Variants in KHDRBS2 observed in about 807,000 individuals in gnomAD.
The protein encoded by KHDRBS2 is KH domain-containing, RNA-binding, signal transduction-associated protein 2.
A neutral mutation model predicts 44.3 loss-of-function variants in KHDRBS2; 26 were observed. That is an observed-to-expected ratio of 0.59 (90% CI 0.43 to 0.81). KHDRBS2 has a LOEUF of 0.81. Ranked by LOEUF, KHDRBS2 falls within the 40% of genes least tolerant of loss-of-function variation. KHDRBS2 has a pLI of 0.00. For missense variants in KHDRBS2, 476 were observed against 433.1 expected (o/e 1.10, Z -0.88); for synonymous variants, 194 against 151.1 (o/e 1.28, Z -2.08).
the KHDRBS2 span, among the ~76,000 whole-genome samples, chr6:61,614,286 G>A: frequency 6.6e-6 from 1 of 152,122 alleles, no homozygotes; most frequent in Non-Finnish European, 1.5e-5. Flanking sequence ...GGTATCATGT[G>A]CATTCTGGTA....
At chr6:62,089,397 C>T (rs185630709) in intron 2 of KHDRBS2, among the ~76,000 whole-genome samples, 11 of 152,072 alleles carry the variant, frequency 7.2e-5, no homozygotes, top group Admixed American at 3.9e-4. Flanking sequence ...CTGTGGGTTG[C>T]GAAGACTCTG....
chr6:61,631,335 A>AAAAAAAAAAAG, the KHDRBS2 span, among the ~76,000 whole-genome samples: 40 of 104,666 alleles, frequency 3.8e-4, 3 homozygotes, highest in Non-Finnish European at 5.1e-4. Context: ...AAAAAAAAAA[A>AAAAAAAAAAAG]AAGACAATAC....
At chr6:61,776,243 T>G (rs1781974205) in intron 6 of KHDRBS2, among the ~76,000 whole-genome samples, 1 of 152,156 alleles carries the variant, frequency 6.6e-6, no homozygotes, top group African/African-American at 2.4e-5. Context: ...AAGGACTTCA[T>G]GTCTACAACA....
At chr6:62,234,734 TAGG>T (rs886321858) in intron 1 of KHDRBS2, among the ~76,000 whole-genome samples, 2 of 151,928 alleles carry the variant, frequency 1.3e-5, no homozygotes, top group African/African-American at 4.8e-5. Context: ...ATGGTGACCA[TAGG>T]AGTACTTGAA....
At chr6:61,556,464 C>A in the KHDRBS2 span, among the ~76,000 whole-genome samples, 1 of 152,152 alleles carries the variant, frequency 6.6e-6, no homozygotes, top group Non-Finnish European at 1.5e-5. Context: ...CAAATACATT[C>A]ATTGGCAAAG....
intron 6 of KHDRBS2, among the ~76,000 whole-genome samples, chr6:61,742,740 C>T (rs1478438506): frequency 6.6e-6 from 1 of 152,020 alleles, no homozygotes; most frequent in Non-Finnish European, 1.5e-5. Context: ...TAAAGGTACA[C>T]ATCCTCAGTG....
chr6:62,254,517 G>T (rs952726527), intron 1 of KHDRBS2, among the ~76,000 whole-genome samples: 3 of 152,058 alleles, frequency 2.0e-5, no homozygotes, highest in African/African-American at 7.2e-5. Context: ...AGAATGATAA[G>T]ATGGAATCAG....
intron 4 of KHDRBS2, among the ~76,000 whole-genome samples, chr6:61,971,736 T>C (rs2127399487): frequency 1.3e-5 from 2 of 152,272 alleles, no homozygotes; most frequent in South Asian, 2.1e-4. Context: ...TTGATTTTCG[T>C]TGACCCTAGG....
chr6:61,557,092 G>A, the KHDRBS2 span, among the ~76,000 whole-genome samples: 2 of 152,128 alleles, frequency 1.3e-5, no homozygotes, highest in East Asian at 3.9e-4. Flanking sequence ...TTGCCCTCAT[G>A]TACCACCTGA....
chr6:62,167,971 A>G (rs1819058554), intron 2 of KHDRBS2, among the ~76,000 whole-genome samples: 1 of 152,158 alleles, frequency 6.6e-6, no homozygotes, highest in Non-Finnish European at 1.5e-5. Flanking sequence ...TTTGATGTAT[A>G]AAGAAGGAAA....
intron 2 of KHDRBS2, among the ~76,000 whole-genome samples, chr6:62,149,290 A>G (rs996718602): frequency 6.6e-6 from 1 of 152,104 alleles, no homozygotes; most frequent in Non-Finnish European, 1.5e-5. Context: ...CTCACTTTTA[A>G]TACAATGAAT....
At chr6:62,122,255 T>C (rs1807840220) in intron 2 of KHDRBS2, among the ~76,000 whole-genome samples, 1 of 152,144 alleles carries the variant, frequency 6.6e-6, no homozygotes, top group African/African-American at 2.4e-5. Flanking sequence ...CAAAGGTCTC[T>C]AGGATTTTGG....
intron 3 of KHDRBS2, among the ~76,000 whole-genome samples, chr6:62,025,754 G>A (rs573534849): frequency 2.6e-5 from 4 of 151,710 alleles, no homozygotes; most frequent in South Asian, 4.2e-4. Flanking sequence ...TTATTTTCTC[G>A]CATATCTTTT....
intron 3 of KHDRBS2, among the ~76,000 whole-genome samples, chr6:62,028,736 T>TA (rs1474408366): frequency 3.9e-5 from 6 of 152,244 alleles, no homozygotes; most frequent in Non-Finnish European, 7.4e-5. Flanking sequence ...GCAAAACTCA[T>TA]TGGCAATTTG....
At chr6:61,610,967 C>A in the KHDRBS2 span, among the ~76,000 whole-genome samples, 6 of 152,016 alleles carry the variant, frequency 3.9e-5, no homozygotes, top group African/African-American at 7.3e-5. Flanking sequence ...TGAAGAAGGC[C>A]CCTATGATAT....
chr6:61,561,417 G>T, the KHDRBS2 span, among the ~76,000 whole-genome samples: 3 of 152,110 alleles, frequency 2.0e-5, no homozygotes, highest in Non-Finnish European at 2.9e-5. Flanking sequence ...AAATCAGTAG[G>T]TCCTTCTACG....
intron 6 of KHDRBS2, among the ~76,000 whole-genome samples, chr6:61,756,584 A>C (rs551543637): frequency 1.2e-4 from 19 of 152,202 alleles, no homozygotes; most frequent in Non-Finnish European, 2.5e-4. Context: ...AGTGTTTCAG[A>C]GTTTACATAT....
At chr6:62,223,732 A>T (rs1471749733) in intron 1 of KHDRBS2, among the ~76,000 whole-genome samples, 5 of 152,126 alleles carry the variant, frequency 3.3e-5, no homozygotes, top group African/African-American at 1.2e-4. Context: ...AGTTCCACAA[A>T]TCTCTAGGGC....
intron 6 of KHDRBS2, among the ~76,000 whole-genome samples, chr6:61,847,020 T>C (rs1794518285): frequency 1.3e-5 from 2 of 152,090 alleles, no homozygotes; most frequent in South Asian, 2.1e-4. Flanking sequence ...AAATATACCT[T>C]GATTTCAAAC....
Sources: allele counts gnomAD v4.1 joint callset (sites outside exome capture counted in the v4.1 genomes callset), GRCh38; gene constraint gnomAD v4.1.1; transcripts MANE v1.5; gene names NCBI Gene and HGNC (gene_info 2026-07-23, HGNC 2026-07-21).